NTNG1: variants seen among roughly 807,000 people sequenced by gnomAD.
NTNG1 encodes the protein netrin G1.
A neutral mutation model predicts 54.0 loss-of-function variants in NTNG1; 16 were observed. The ratio of observed to expected loss-of-function variants is 0.30; its 90% CI spans 0.20 to 0.45. The LOEUF is 0.45. Ranked by LOEUF, NTNG1 falls within the 20% of genes least tolerant of loss-of-function variation. NTNG1 has a pLI of 1.00. For missense variants in NTNG1, 530 were observed against 678.7 expected (o/e 0.78, Z 2.43); for synonymous variants, 255 against 263.1 (o/e 0.97, Z 0.30).
chr1:107,454,136 A>G (rs1676788813), intron 7 of NTNG1, among the ~76,000 whole-genome samples: 1 of 152,160 alleles, frequency 6.6e-6, no homozygotes, highest in Admixed American at 6.5e-5. Flanking sequence ...CTCAGTACTC[A>G]TTAATGGGAG....
intron 2 of NTNG1, among the ~76,000 whole-genome samples, chr1:107,191,143 A>C (rs1657889030): frequency 6.6e-6 from 1 of 152,114 alleles, no homozygotes; most frequent in Non-Finnish European, 1.5e-5. Flanking sequence ...ATGATATCTC[A>C]TTGTGGTTTT....
At chr1:107,239,021 T>C (rs1330723968) in intron 2 of NTNG1, among the ~76,000 whole-genome samples, 1 of 152,126 alleles carries the variant, frequency 6.6e-6, no homozygotes, top group Non-Finnish European at 1.5e-5. Flanking sequence ...ATTTTTTGAG[T>C]GCTGACTTTA....
chr1:107,343,645 C>T (rs901558212), intron 3 of NTNG1, among the ~76,000 whole-genome samples: 3 of 151,960 alleles, frequency 2.0e-5, no homozygotes, highest in African/African-American at 7.2e-5. Flanking sequence ...TATCCCTGAA[C>T]GAATTATACA....
chr1:107,406,700 C>T (rs749314185), intron 4 of NTNG1, among the ~76,000 whole-genome samples: 7 of 152,192 alleles, frequency 4.6e-5, no homozygotes, highest in Admixed American at 1.3e-4. Flanking sequence ...TAGTAATCAT[C>T]GCAAAGATGG....
chr1:107,155,486 T>C (rs984296568), intron 2 of NTNG1, among the ~76,000 whole-genome samples: 1 of 152,104 alleles, frequency 6.6e-6, no homozygotes, highest in South Asian at 2.1e-4. Context: ...TAGACATATA[T>C]AGTAGCCAGC....
At chr1:107,281,411 ATTTG>A (rs1357061399) in intron 2 of NTNG1, among the ~76,000 whole-genome samples, 1 of 152,006 alleles carries the variant, frequency 6.6e-6, no homozygotes, top group Non-Finnish European at 1.5e-5. Flanking sequence ...AGAAAAATGA[ATTTG>A]TTTGATTTTG....
At chr1:107,450,474 C>T (rs529425203) in intron 7 of NTNG1, among the ~76,000 whole-genome samples, 16 of 152,004 alleles carry the variant, frequency 1.1e-4, no homozygotes, top group Admixed American at 5.2e-4. Context: ...TACCCATCCT[C>T]AGAGTTTCAT....
intron 3 of NTNG1, among the ~76,000 whole-genome samples, chr1:107,388,097 A>T (rs144558267): frequency 2.1e-4 from 32 of 152,262 alleles, no homozygotes; most frequent in African/African-American, 7.7e-4. Flanking sequence ...AGGACTATAT[A>T]TTGCCTTCTG....
chr1:107,238,280 T>G (rs1008077494), intron 2 of NTNG1, among the ~76,000 whole-genome samples: 3 of 152,200 alleles, frequency 2.0e-5, no homozygotes, highest in African/African-American at 4.8e-5. Flanking sequence ...ATTTCCCCTA[T>G]GTGGAATGGC....
At chr1:107,321,594 A>T (rs1246144370) in intron 2 of NTNG1, among the ~76,000 whole-genome samples, 1 of 152,158 alleles carries the variant, frequency 6.6e-6, no homozygotes, top group Non-Finnish European at 1.5e-5. Context: ...CGACTTCTGT[A>T]GAATATGAAC....
chr1:107,418,568 T>G (rs1277548991), intron 5 of NTNG1: 1 of 1,583,102 alleles, frequency 6.3e-7, no homozygotes, highest in South Asian at 1.2e-5. Flanking sequence ...TGATTTTTCC[T>G]GATGCGTGCA....
intron 2 of NTNG1, among the ~76,000 whole-genome samples, chr1:107,191,047 T>G (rs1452987348): frequency 6.6e-6 from 1 of 152,206 alleles, no homozygotes; most frequent in Admixed American, 6.5e-5. Flanking sequence ...CCACCAACAG[T>G]GTAAAAGTGT....
intron 2 of NTNG1, among the ~76,000 whole-genome samples, chr1:107,154,595 CAAAAAAAAAAAA>C (rs59619310): frequency 1.0e-4 from 5 of 47,772 alleles, no homozygotes; most frequent in South Asian, 1.1e-3. Flanking sequence ...GACCCTGTCT[CAAAAAAAAAAAA>C]AAAAAAAAAA....
chr1:107,280,405 A>C (rs986332778), intron 2 of NTNG1, among the ~76,000 whole-genome samples: 1 of 150,818 alleles, frequency 6.6e-6, no homozygotes, highest in Non-Finnish European at 1.5e-5. Context: ...TCTTTCTTTG[A>C]GTTTCTCCTG....
rs1396468889 is a variant in NTNG1 at position 107,416,681 on chromosome 1, A to G, written c.1087+8973A>G. On this transcript the variant is annotated intron_variant, in intron 5 of 7. Transcript: ENST00000370068. ...GGTTATTTTTCAGAACTCATTTCTA[A>G]AATTGATTTAATATAAAATTATTAT... Among the ~76,000 whole-genome samples the G allele has an allele frequency of 2.0e-5, 3 of 152,218 alleles. No homozygotes were observed. In the East Asian group the frequency reaches 5.8e-4, roughly 29 times the overall value.
intron 5 of NTNG1, among the ~76,000 whole-genome samples, chr1:107,421,555 C>G (rs1438969631): frequency 6.6e-6 from 1 of 152,062 alleles, no homozygotes; most frequent in Non-Finnish European, 1.5e-5. Context: ...CACTTTGTGA[C>G]AAATGAAACA....
At chr1:107,292,294 AG>A (rs1251045100) in intron 2 of NTNG1, among the ~76,000 whole-genome samples, 1 of 152,146 alleles carries the variant, frequency 6.6e-6, no homozygotes, top group Non-Finnish European at 1.5e-5. Flanking sequence ...GAGGGGCATA[AG>A]GCAGGCAGAA....
intron 2 of NTNG1, among the ~76,000 whole-genome samples, chr1:107,288,975 G>A (rs1051833373): frequency 6.6e-6 from 1 of 152,034 alleles, no homozygotes; most frequent in Admixed American, 6.6e-5. Context: ...CCTTAATAAA[G>A]TATGACTTTC....
At chr1:107,259,858 T>C (rs1451753074) in intron 2 of NTNG1, among the ~76,000 whole-genome samples, 3 of 152,192 alleles carry the variant, frequency 2.0e-5, no homozygotes, top group Non-Finnish European at 2.9e-5. Context: ...TCTTTATAGT[T>C]TTCTGTATAT....
Sources: allele counts gnomAD v4.1 joint callset (sites outside exome capture counted in the v4.1 genomes callset), GRCh38; gene constraint gnomAD v4.1.1; transcripts MANE v1.5; gene names NCBI Gene and HGNC (gene_info 2026-07-23, HGNC 2026-07-21).